ANK3: variants seen among roughly 807,000 people sequenced by gnomAD.
The protein encoded by ANK3 is ankyrin-3.
ANK3 carries 57 observed loss-of-function variants against 370.9 expected under a neutral mutation model. The ratio of observed to expected loss-of-function variants is 0.15; its 90% CI spans 0.12 to 0.19. The LOEUF (loss-of-function observed/expected upper bound fraction) is 0.19, where lower values mean the gene tolerates loss of function less well. ANK3 is among the 10% of genes least tolerant of loss of function. The pLI is 1.00. For missense variants in ANK3, 4,439 were observed against 5,302.1 expected (o/e 0.84, Z 5.06); for synonymous variants, 1,929 against 1,946.3 (o/e 0.99, Z 0.23).
chr10:60,328,675 A>T (rs939489380), intron 1 of ANK3, among the ~76,000 whole-genome samples: 1 of 152,190 alleles, frequency 6.6e-6, no homozygotes, highest in African/African-American at 2.4e-5. Context: ...AAAGCCCAGG[A>T]CCAGATGAAT....
chr10:60,552,276 T>TA (rs2077105573), intron 2 of ANK3, among the ~76,000 whole-genome samples: 1 of 152,232 alleles, frequency 6.6e-6, no homozygotes, highest in Non-Finnish European at 1.5e-5. Flanking sequence ...TCTTCTAGTC[T>TA]ATGATTATAA....
intron 2 of ANK3, among the ~76,000 whole-genome samples, chr10:60,496,690 G>A (rs1192867839): frequency 7.5e-6 from 1 of 132,618 alleles, no homozygotes; most frequent in Non-Finnish European, 1.6e-5. Context: ...TAAGAGACTT[G>A]TTCAACTCTC....
chr10:60,501,825 A>G (rs1471278665), intron 2 of ANK3, among the ~76,000 whole-genome samples: 3 of 152,106 alleles, frequency 2.0e-5, no homozygotes, highest in Non-Finnish European at 4.4e-5. Flanking sequence ...AAAAGGAAAA[A>G]GAAAATTGAA....
Position 60,389,799 on chromosome 10 carries a change from C to T in ANK3, c.-261G>A, listed in dbSNP as rs1009705774. On this transcript the variant is annotated 5_prime_UTR_variant, in exon 1 of 44. Coordinates refer to ENST00000280772, the MANE Select transcript of ANK3 (RefSeq NM_020987.5). ...AGTGCAGCCATCGTAATGCATTTAC[C>T]GTAGTGAAGAAGACAGCTGGGACAG... The T allele has an allele frequency of 5.5e-6, 7 of 1,264,258 alleles. No individual in the cohort carries two copies. Among genetic ancestry groups the T allele is most frequent in the South Asian group, 4.1e-5 (2 of 48,292 alleles). 78.3% of individuals were successfully genotyped at this position (1,264,258 alleles called of 1,614,324 possible).
chr10:60,299,007 G>A (rs1182177152), intron 1 of ANK3, among the ~76,000 whole-genome samples: 1 of 152,138 alleles, frequency 6.6e-6, no homozygotes, highest in Non-Finnish European at 1.5e-5. Context: ...ATTATTTTTA[G>A]AGTGATACGA....
chr10:60,272,799 A>T (rs562369166), intron 4 of ANK3, among the ~76,000 whole-genome samples: 14 of 151,956 alleles, frequency 9.2e-5, no homozygotes, highest in Non-Finnish European at 1.5e-4. Flanking sequence ...ATTCCAAAAT[A>T]AGTGTTTTTC....
At chr10:60,351,833 C>A (rs1394267648) in intron 1 of ANK3, among the ~76,000 whole-genome samples, 1 of 152,062 alleles carries the variant, frequency 6.6e-6, no homozygotes, top group African/African-American at 2.4e-5. Flanking sequence ...GTACACCTCC[C>A]TGTTACTTTT....
At chr10:60,082,414 G>A (rs1031785228) in intron 34 of ANK3, 24 of 754,960 alleles carry the variant, frequency 3.2e-5, no homozygotes, top group Non-Finnish European at 4.1e-5. Flanking sequence ...AAGCAAAAGC[G>A]ATAAACAGAG....
intron 1 of ANK3, among the ~76,000 whole-genome samples, chr10:60,279,866 T>C (rs183194357): frequency 6.6e-6 from 1 of 152,332 alleles, no homozygotes; most frequent in African/African-American, 2.4e-5. Flanking sequence ...TCCTTCTGAA[T>C]TGAGAGATAA....
intron 2 of ANK3, among the ~76,000 whole-genome samples, chr10:60,502,248 A>G (rs1007634513): frequency 2.6e-5 from 4 of 152,196 alleles, no homozygotes; most frequent in Non-Finnish European, 4.4e-5. Context: ...TTGGGCCACA[A>G]GATGCAAATA....
At chr10:60,547,442 C>G (rs2076991158) in intron 2 of ANK3, among the ~76,000 whole-genome samples, 1 of 151,808 alleles carries the variant, frequency 6.6e-6, no homozygotes, top group East Asian at 1.9e-4. Context: ...CGCTCTGTTG[C>G]CCGGCTGGAG....
At chr10:60,255,599 AG>A (rs1293660484) in intron 7 of ANK3, among the ~76,000 whole-genome samples, 1 of 152,218 alleles carries the variant, frequency 6.6e-6, no homozygotes, top group Non-Finnish European at 1.5e-5. Flanking sequence ...CTATGGGGTC[AG>A]GGACTAACCA....
chr10:60,293,854 C>T (rs955614743), intron 1 of ANK3, among the ~76,000 whole-genome samples: 5 of 152,140 alleles, frequency 3.3e-5, no homozygotes, highest in Non-Finnish European at 7.3e-5. Context: ...TGAGATATTG[C>T]TATATTCCGC....
chr10:60,382,752 G>T (rs2061700136), intron 1 of ANK3, among the ~76,000 whole-genome samples: 1 of 146,894 alleles, frequency 6.8e-6, no homozygotes, highest in South Asian at 2.2e-4. Flanking sequence ...ACAATATAAT[G>T]TTGTATTTAG....
At chr10:60,331,678 G>A (rs1407357118) in intron 1 of ANK3, among the ~76,000 whole-genome samples, 1 of 151,732 alleles carries the variant, frequency 6.6e-6, no homozygotes, top group Non-Finnish European at 1.5e-5. Context: ...TTCTTTCAAG[G>A]CAAATCCAAA....
intron 28 of ANK3, among the ~76,000 whole-genome samples, chr10:60,102,328 A>G (rs2091411968): frequency 6.6e-6 from 1 of 152,008 alleles, no homozygotes; most frequent in Non-Finnish European, 1.5e-5. Flanking sequence ...ATGACTAAAC[A>G]CTGATTGAGT....
At chr10:60,696,866 C>A (rs2079463547) in intron 1 of ANK3, among the ~76,000 whole-genome samples, 1 of 144,158 alleles carries the variant, frequency 6.9e-6, no homozygotes, top group Non-Finnish European at 1.5e-5. Context: ...CCTCTCTCAC[C>A]ACTCCTATTC....
At chr10:60,345,432 A>G (rs2055230895) in intron 1 of ANK3, among the ~76,000 whole-genome samples, 1 of 152,158 alleles carries the variant, frequency 6.6e-6, no homozygotes, top group Non-Finnish European at 1.5e-5. Flanking sequence ...AAATATAAAG[A>G]GTACTGAAAG....
intron 2 of ANK3, among the ~76,000 whole-genome samples, chr10:60,551,880 C>A (rs1051977362): frequency 2.0e-5 from 3 of 152,106 alleles, no homozygotes; most frequent in African/African-American, 7.2e-5. Flanking sequence ...GTCATCAATG[C>A]CTTGTTTCAC....
Sources: gnomAD v4.1 joint callset for allele counts (sites outside exome capture counted in the v4.1 genomes callset) on GRCh38, gnomAD v4.1.1 for gene constraint, MANE v1.5 for transcripts, NCBI Gene and HGNC (gene_info 2026-07-23, HGNC 2026-07-21) for gene names.